The following ELMO1 variants were observed in gnomAD, a reference collection of about 807,000 sequenced individuals.
ELMO1 encodes the protein engulfment and cell motility 1.
In ELMO1, 26 loss-of-function variants were observed where a neutral mutation model predicts 98.9. The ratio of observed to expected loss-of-function variants is 0.26; its 90% CI spans 0.19 to 0.36. ELMO1 has a LOEUF of 0.36. Among genes scored for constraint, ELMO1 ranks in the 10% least tolerant of loss-of-function variants. ELMO1 has a pLI of 1.00. For synonymous variants in ELMO1, 346 were observed against 346.0 expected (o/e 1.00, Z 0.00); for missense variants, 627 against 935.2 (o/e 0.67, Z 4.30).
chr7:37,412,615 A>G (rs964863186), intron 1 of ELMO1, among the ~76,000 whole-genome samples: 5 of 152,208 alleles, frequency 3.3e-5, no homozygotes, highest in African/African-American at 9.7e-5. Flanking sequence ...TTGGTTTTAA[A>G]ACATGGGTGC....
intron 13 of ELMO1, among the ~76,000 whole-genome samples, chr7:37,178,490 T>C (rs1554435217): frequency 6.6e-6 from 1 of 151,002 alleles, no homozygotes; most frequent in Non-Finnish European, 1.5e-5. Context: ...TAGTCCCAGC[T>C]ACTCAGGAGG....
chr7:37,213,160 T>C (rs1414066001), intron 12 of ELMO1, among the ~76,000 whole-genome samples, 175 bp downstream of exon 12: 1 of 152,192 alleles, frequency 6.6e-6, no homozygotes, highest in Non-Finnish European at 1.5e-5. Context: ...TTTGGTATAT[T>C]TTCTGATCCT....
At chr7:37,257,516 A>C (rs1333763246) in intron 6 of ELMO1, among the ~76,000 whole-genome samples, 1 of 151,866 alleles carries the variant, frequency 6.6e-6, no homozygotes, top group Non-Finnish European at 1.5e-5. Context: ...CGAGGTCAAG[A>C]GATCGAGACC....
intron 4 of ELMO1, among the ~76,000 whole-genome samples, chr7:37,294,725 C>G (rs1005510501): frequency 6.6e-6 from 1 of 152,168 alleles, no homozygotes; most frequent in Non-Finnish European, 1.5e-5. Flanking sequence ...TCAGGCCAGG[C>G]GCGGGGGCTC....
chr7:37,045,179 C>T (rs1192377823), intron 15 of ELMO1, among the ~76,000 whole-genome samples: 1 of 152,116 alleles, frequency 6.6e-6, no homozygotes, highest in Non-Finnish European at 1.5e-5. Context: ...GGGTGGAATC[C>T]TGGAATACAA....
chr7:37,163,791 T>C lies in ELMO1; in HGVS notation c.1087-30557A>G, dbSNP rs1204612653. Among the ~76,000 whole-genome samples, 3 of 152,224 alleles carry C rather than the reference T, an allele frequency of 2.0e-5. 1 individual carries two copies. Among genetic ancestry groups the C allele is most frequent in the Admixed American group, 2.0e-4 (3 of 15,278 alleles). ...TTTGCTATTGTGAATAGTGCCGCAA[T>C]AAACATACGTGTGCATGTGTCTTTA... On this transcript the variant is annotated intron_variant, in intron 13 of 21. Transcript: ENST00000310758.
At chr7:36,898,676 G>A (rs1404509933) in intron 16 of ELMO1, among the ~76,000 whole-genome samples, 1 of 152,164 alleles carries the variant, frequency 6.6e-6, no homozygotes, top group Non-Finnish European at 1.5e-5. Context: ...GACGTACTGA[G>A]GCTCCACGTG....
At chr7:37,307,244 C>T (rs1337821595) in intron 4 of ELMO1, among the ~76,000 whole-genome samples, 1 of 152,200 alleles carries the variant, frequency 6.6e-6, no homozygotes, top group South Asian at 2.1e-4. Flanking sequence ...TCATCTTGAA[C>T]TGTAGTTCCC....
intron 16 of ELMO1, among the ~76,000 whole-genome samples, chr7:36,982,025 C>T (rs922246680): frequency 6.6e-6 from 1 of 152,170 alleles, no homozygotes; most frequent in African/African-American, 2.4e-5. Context: ...CCACTAAACA[C>T]GGTGGCTAGG....
chr7:37,146,554 G>A (rs1191720352), intron 13 of ELMO1, among the ~76,000 whole-genome samples: 1 of 152,118 alleles, frequency 6.6e-6, no homozygotes, highest in African/African-American at 2.4e-5. Context: ...TCACCTGGTT[G>A]CTTACACATT....
At chr7:37,182,588 CTCTCTCTCT>C (rs1030728350) in intron 13 of ELMO1, among the ~76,000 whole-genome samples, 3 of 150,610 alleles carry the variant, frequency 2.0e-5, no homozygotes, top group Non-Finnish European at 4.4e-5. Flanking sequence ...CCTCCCCCTC[CTCTCTCTCT>C]TCTCTCTCCC....
intron 13 of ELMO1, among the ~76,000 whole-genome samples, chr7:37,201,536 G>A (rs1792293803): frequency 6.6e-6 from 1 of 152,202 alleles, no homozygotes; most frequent in South Asian, 2.1e-4. Context: ...CCATTTAATA[G>A]GGGGGCCAGT....
At chr7:37,421,561 T>C (rs1469968084) in intron 1 of ELMO1, among the ~76,000 whole-genome samples, 1 of 152,220 alleles carries the variant, frequency 6.6e-6, no homozygotes, top group African/African-American at 2.4e-5. Context: ...ATATCAAAGC[T>C]AAGAACAGTC....
chr7:37,315,065 A>G, intron 3 of ELMO1, 143 bp from the exon 4 acceptor site: 1 of 682,620 alleles, frequency 1.5e-6, no homozygotes, highest in Non-Finnish European at 2.4e-6. Context: ...TTCCTAAAGC[A>G]AAATGACTTT....
intron 16 of ELMO1, among the ~76,000 whole-genome samples, chr7:36,971,069 C>T (rs1176010854): frequency 2.0e-5 from 3 of 152,246 alleles, no homozygotes; most frequent in African/African-American, 7.2e-5. Flanking sequence ...GGAGGCCTCA[C>T]TGGTGAAGTT....
chr7:37,194,086 C>T (rs770467981), intron 13 of ELMO1, among the ~76,000 whole-genome samples: 4 of 152,176 alleles, frequency 2.6e-5, no homozygotes, highest in Non-Finnish European at 4.4e-5. Context: ...GTCACACACT[C>T]GATGTATGTC....
chr7:36,916,857 A>T (rs1342102764), intron 16 of ELMO1, among the ~76,000 whole-genome samples: 2 of 152,380 alleles, frequency 1.3e-5, no homozygotes, highest in Middle Eastern at 6.8e-3. Context: ...AGGCAGAGAC[A>T]TCACAGAGGA....
chr7:37,313,831 C>T (rs1207616073), intron 4 of ELMO1, among the ~76,000 whole-genome samples: 1 of 152,284 alleles, frequency 6.6e-6, no homozygotes, highest in South Asian at 2.1e-4. Context: ...CTGCAAGACA[C>T]TGAAGCCTGA....
At chr7:36,894,071 T>G (rs190031537) in intron 17 of ELMO1, among the ~76,000 whole-genome samples, 1 of 152,174 alleles carries the variant, frequency 6.6e-6, no homozygotes, top group Non-Finnish European at 1.5e-5. Flanking sequence ...CAAACACATA[T>G]GCCTTTCCCT....
Sources: allele counts gnomAD v4.1 joint callset (sites outside exome capture counted in the v4.1 genomes callset), GRCh38; gene constraint gnomAD v4.1.1; transcripts MANE v1.5; gene names NCBI Gene and HGNC (gene_info 2026-07-23, HGNC 2026-07-21).